DGKG: variants seen among roughly 807,000 people sequenced by gnomAD.
DGKG encodes DAG kinase gamma.
A neutral mutation model predicts 105.3 loss-of-function variants in DGKG; 78 were observed. The ratio of observed to expected loss-of-function variants is 0.74; its 90% confidence interval spans 0.62 to 0.89. DGKG has a LOEUF of 0.89. Among genes scored for constraint, DGKG ranks in the 40% least tolerant of loss-of-function variants. The pLI, the probability that DGKG is intolerant of heterozygous loss-of-function variation, is 0.00. For synonymous variants in DGKG, 346 were observed against 367.1 expected (o/e 0.94, Z 0.66); for missense variants, 958 against 1,020.1 (o/e 0.94, Z 0.83).
At chr3:186,202,812 A>G (rs1262669161) in intron 21 of DGKG, among the ~76,000 whole-genome samples, 1 of 152,236 alleles carries the variant, frequency 6.6e-6, no homozygotes, top group African/African-American at 2.4e-5. Flanking sequence ...GGCCCCATCT[A>G]TTAAACATGC....
chr3:186,347,224 G>A (rs1197268516), intron 1 of DGKG, among the ~76,000 whole-genome samples: 15 of 151,890 alleles, frequency 9.9e-5, no homozygotes, highest in African/African-American at 1.9e-4. Flanking sequence ...CGAGGCGGGC[G>A]GATCACGAGG....
intron 3 of DGKG, among the ~76,000 whole-genome samples, chr3:186,301,227 C>T (rs1723904850): frequency 6.6e-6 from 1 of 152,200 alleles, no homozygotes; most frequent in East Asian, 1.9e-4. Context: ...CTCTCCAAGG[C>T]TTCCTTAACC....
Position 186,147,974 on chromosome 3 carries a change from A to C in DGKG, c.*2116T>G. The C allele has an allele frequency of 1.0e-6, 1 of 985,466 alleles. No homozygotes were observed. Among genetic ancestry groups the C allele is most frequent in the Non-Finnish European group, 1.2e-6 (1 of 829,952 alleles). 61.0% of individuals were successfully genotyped at this position (985,466 alleles called of 1,614,324 possible). The stretch of plus-strand genomic sequence containing the variant: ...ACTGTTAGGTTGAGCAGAATGGTCC[A>C]AGATCTTGCTCCTAGGTGGTCCTTC... On this transcript the variant is annotated 3_prime_UTR_variant, in exon 25 of 25. Transcript: ENST00000265022.
At chr3:186,243,799 G>A (rs1720799276) in intron 19 of DGKG, among the ~76,000 whole-genome samples, 1 of 151,560 alleles carries the variant, frequency 6.6e-6, no homozygotes. Flanking sequence ...CCATTTACTG[G>A]AATACATGGC....
In DGKG at chr3:186,148,288, T is replaced by C; in HGVS notation, c.*1802A>G. 1.0e-6 allele frequency: 1 copy of C among 985,470 alleles called. No homozygotes were observed. Among genetic ancestry groups the C allele is most frequent in the Non-Finnish European group, 1.2e-6 (1 of 829,968 alleles). The allele number at this position is 985,470 out of a possible 1,614,324, so 61.0% of individuals were successfully genotyped here. On this transcript the variant is annotated 3_prime_UTR_variant, in exon 25 of 25. Coordinates refer to ENST00000265022, the MANE Select transcript of DGKG (RefSeq NM_001346.3). ...AAGACGCCTCAGTCCTTCTTGTGAC[T>C]CTCCACTGAGGTCATCCCTGCAGCC...
At chr3:186,161,502 C>T in intron 24 of DGKG, 101 bp downstream of exon 24, 5 of 1,578,154 alleles carry the variant, frequency 3.2e-6, no homozygotes, top group South Asian at 1.2e-5. Context: ...CTTCCACAGT[C>T]CCTGTGACTC....
intron 1 of DGKG, among the ~76,000 whole-genome samples, chr3:186,342,850 T>C (rs967295757): frequency 1.2e-4 from 18 of 151,944 alleles, no homozygotes; most frequent in African/African-American, 4.4e-4. Context: ...CAAAAATCAT[T>C]CCAATAAAAA....
intron 5 of DGKG, among the ~76,000 whole-genome samples, chr3:186,293,078 C>G (rs191437655): frequency 2.6e-5 from 4 of 152,338 alleles, no homozygotes; most frequent in African/African-American, 7.2e-5. Context: ...CTCACTCCCC[C>G]ACCAGAGTGG....
At chr3:186,309,456 A>T (rs1724411637) in intron 2 of DGKG, among the ~76,000 whole-genome samples, 2 of 152,206 alleles carry the variant, frequency 1.3e-5, no homozygotes, top group Admixed American at 6.5e-5. Flanking sequence ...CTGTTTTCTA[A>T]AGACCACTCT....
At chr3:186,257,678 T>C in intron 17 of DGKG, 176 bp downstream of exon 17, 1 of 560,284 alleles carries the variant, frequency 1.8e-6, no homozygotes, top group African/African-American at 2.4e-5. Flanking sequence ...GATTGTCTTA[T>C]TTCTTTTTTT....
chr3:186,325,296 C>T (rs1025596834), intron 1 of DGKG, among the ~76,000 whole-genome samples: 5 of 152,156 alleles, frequency 3.3e-5, no homozygotes, highest in African/African-American at 9.7e-5. Flanking sequence ...AAATTGGGTA[C>T]TATGCTCACT....
Position 186,148,429 on chromosome 3 carries a change from G to A in DGKG, c.*1661C>T, listed in dbSNP as rs1467280730. The A allele has an allele frequency of 4.1e-6, 4 of 985,354 alleles. No individual in the cohort carries two copies. The highest frequency in any genetic ancestry group is 4.8e-6 in the Non-Finnish European group (4 of 829,940). 61.0% of individuals were successfully genotyped at this position (985,354 alleles called of 1,614,324 possible). On this transcript the variant is annotated 3_prime_UTR_variant, in exon 25 of 25. Transcript: ENST00000265022. ...TCAGACCAACTTCTTTTCCATTCAGGTCAGAGAGAACCTCTGGGAAGCAGC... is the reference window on the plus strand; with the variant it reads ...TCAGACCAACTTCTTTTCCATTCAGATCAGAGAGAACCTCTGGGAAGCAGC...
At position 186,162,041 on chromosome 3, in the gene DGKG, T is replaced by C. The variant is rs574966736; in HGVS notation, c.2217-378A>G. On this transcript the variant is annotated intron_variant, in intron 23 of 24. Coordinates refer to ENST00000265022, the MANE Select transcript of DGKG (RefSeq NM_001346.3). Reference sequence around the variant, plus strand: ...TCCCGAGTAGATGGGATTACAGGCATGTGCCACCACACCCAGTTAATTTTT... The same window carrying C: ...TCCCGAGTAGATGGGATTACAGGCACGTGCCACCACACCCAGTTAATTTTT... 3.5e-4 allele frequency among the ~76,000 whole-genome samples: 54 copies of C among 152,218 alleles called. 1 individual carries two copies. Among genetic ancestry groups the C allele is most frequent in the Admixed American group, 2.9e-3 (45 of 15,302 alleles).
chr3:186,320,788 A>G, intron 1 of DGKG, 81 bp from the exon 2 acceptor site: 1 of 252,856 alleles, frequency 4.0e-6, no homozygotes, highest in Non-Finnish European at 7.5e-6. Context: ...AAAGATCTAC[A>G]GGGGACAATT....
At chr3:186,353,756 C>T (rs1726769573) in intron 1 of DGKG, among the ~76,000 whole-genome samples, 1 of 151,652 alleles carries the variant, frequency 6.6e-6, no homozygotes, top group African/African-American at 2.4e-5. Flanking sequence ...TGATCCTATC[C>T]CAAGAAATGA....
chr3:186,350,999 T>G (rs1354312278), intron 1 of DGKG, among the ~76,000 whole-genome samples: 3 of 152,228 alleles, frequency 2.0e-5, no homozygotes, highest in South Asian at 4.1e-4. Context: ...ACTTTAATTC[T>G]TTTTCAGATA....
intron 12 of DGKG, among the ~76,000 whole-genome samples, 166 bp from the exon 13 acceptor site, chr3:186,267,943 T>C (rs1722134824): frequency 6.6e-6 from 1 of 151,960 alleles, no homozygotes; most frequent in Admixed American, 6.6e-5. Flanking sequence ...CACGTGTGTG[T>C]GTGTGGTTAA....
In DGKG at chr3:186,210,202, G is replaced by A. The variant is rs1020563665; in HGVS notation, c.1917+1593C>T. On this transcript the variant is annotated intron_variant, in intron 21 of 24. Transcript: ENST00000265022. This position sits in a 1 kb window ranked among gnomAD's most constrained non-coding sequence, Gnocchi z 5.2. ...CCAGCTGCAGGGAGAACAAGCAGTCGCTGTGCGCCTGCAGCTGGCTGTGGT... is the reference window on the plus strand; with the variant it reads ...CCAGCTGCAGGGAGAACAAGCAGTCACTGTGCGCCTGCAGCTGGCTGTGGT... Among the ~76,000 whole-genome samples the A allele has an allele frequency of 4.9e-4, 74 of 152,182 alleles. No homozygotes were observed. The highest frequency in any genetic ancestry group is 8.5e-4 in the Non-Finnish European group (58 of 68,040).
At chr3:186,280,596 T>C in intron 8 of DGKG, 74 bp downstream of exon 8, 1 of 1,204,614 alleles carries the variant, frequency 8.3e-7, no homozygotes, top group East Asian at 2.3e-5. Context: ...TTAACACTCA[T>C]TCATGTCTTG....
Sources: gnomAD v4.1 joint callset for allele counts (sites outside exome capture counted in the v4.1 genomes callset) on GRCh38, gnomAD v4.1.1 for gene constraint, Gnocchi (gnomAD v3.1) non-coding constraint, MANE v1.5 for transcripts, NCBI Gene and HGNC (gene_info 2026-07-23, HGNC 2026-07-21) for gene names.